CDC42BPA: variants seen among roughly 807,000 people sequenced by gnomAD.
CDC42BPA encodes the protein CDC42 binding protein kinase alpha, also known as serine/threonine-protein kinase MRCK alpha.
In CDC42BPA, 80 loss-of-function variants were observed where a neutral mutation model predicts 223.5. That is an observed-to-expected ratio of 0.36 (90% CI 0.30 to 0.43). The LOEUF (loss-of-function observed/expected upper bound fraction) is 0.43. CDC42BPA is among the 20% of genes least tolerant of loss of function. The pLI is 1.00. For missense variants in CDC42BPA, 1,743 were observed against 2,099.9 expected (o/e 0.83, Z 3.32); for synonymous variants, 694 against 718.6 (o/e 0.97, Z 0.55).
intron 2 of CDC42BPA, among the ~76,000 whole-genome samples, chr1:227,230,820 C>CTTTTTTTTTTTTTTTTT (rs1198828997): frequency 7.6e-5 from 7 of 91,600 alleles, no homozygotes; most frequent in Admixed American, 1.3e-4. Flanking sequence ...TTCTTTCTTT[C>CTTTTTTTTTTTTTTTTT]TTTTTTTTTT....
chr1:227,214,502 G>A (rs1674491420), intron 2 of CDC42BPA, among the ~76,000 whole-genome samples: 2 of 152,140 alleles, frequency 1.3e-5, no homozygotes, highest in South Asian at 2.1e-4. Context: ...AACTTGAAAC[G>A]TTGTTTCACT....
chr1:227,275,749 C>T (rs1295690893), intron 1 of CDC42BPA, among the ~76,000 whole-genome samples: 4 of 152,206 alleles, frequency 2.6e-5, no homozygotes, highest in South Asian at 2.1e-4. Flanking sequence ...ATTGCAGGCA[C>T]GCGCCGCCAC....
At chr1:226,997,446 T>C (rs1294364942) in intron 35 of CDC42BPA, among the ~76,000 whole-genome samples, 1 of 152,190 alleles carries the variant, frequency 6.6e-6, no homozygotes, top group Non-Finnish European at 1.5e-5. Flanking sequence ...TGTCTCTATC[T>C]CCTTCAGTTC....
intron 21 of CDC42BPA, 149 bp from the exon 22 acceptor site, chr1:227,052,134 T>C: frequency 2.5e-6 from 1 of 393,822 alleles, no homozygotes; most frequent in South Asian, 2.0e-5. Flanking sequence ...ACGTTAGGGA[T>C]ACATCATTAT....
In CDC42BPA at chr1:227,129,702, C is replaced by CATATATATATATATATAT. The variant is rs1196658904; in HGVS notation, c.1391-472_1391-471insATATATATATATATATAT. Among the ~76,000 whole-genome samples, 35 of 70,940 alleles carry CATATATATATATATATAT rather than the reference C, an allele frequency of 4.9e-4. 2 individuals are homozygous for CATATATATATATATATAT. The highest frequency in any genetic ancestry group is 8.6e-3 in the Middle Eastern group (1 of 116). The allele number at this position is 70,940 out of a possible 152,430, so 46.5% of individuals were successfully genotyped here. A position where few individuals can be genotyped will look rare whatever the true frequency, so the allele number is the denominator to read the frequency against. On this transcript the variant is annotated intron_variant, in intron 10 of 36. Coordinates refer to ENST00000366766, the MANE Select transcript of CDC42BPA (RefSeq NM_001394014.1). ...AAAAAAAAAAAAAAAAAATCCACTG[C>CATATATATATATATATAT]ATATATATATATACAAAAGAATCCA...
chr1:227,261,124 C>CTTTCTTTTTTTTTTTTTTTTTTTTTTT (rs386417862), intron 1 of CDC42BPA, among the ~76,000 whole-genome samples: 1 of 121,002 alleles, frequency 8.3e-6, no homozygotes, highest in Non-Finnish European at 1.7e-5. Context: ...TTGAGTTTTT[C>CTTTCTTTTTTTTTTTTTTTTTTTTTTT]TTTTTTTTTG....
intron 5 of CDC42BPA, among the ~76,000 whole-genome samples, chr1:227,178,946 T>C (rs2150014932): frequency 6.6e-6 from 1 of 152,322 alleles, no homozygotes. Context: ...TGGTTCTTTC[T>C]CAAAACTCTG....
At chr1:227,163,201 C>G (rs2149833889) in intron 5 of CDC42BPA, among the ~76,000 whole-genome samples, 1 of 152,010 alleles carries the variant, frequency 6.6e-6, no homozygotes, top group South Asian at 2.1e-4. Context: ...TGTTTCCAAA[C>G]ATATATATGT....
At chr1:227,061,927 A>G (rs1676001625) in intron 21 of CDC42BPA, among the ~76,000 whole-genome samples, 2 of 152,152 alleles carry the variant, frequency 1.3e-5, no homozygotes. Context: ...CCTGACGCAT[A>G]TATTAAATAT....
intron 21 of CDC42BPA, among the ~76,000 whole-genome samples, chr1:227,053,852 T>A (rs1674021130): frequency 6.6e-6 from 1 of 152,186 alleles, no homozygotes; most frequent in African/African-American, 2.4e-5. Flanking sequence ...AATATGACTC[T>A]GAGTTGGGAA....
intron 2 of CDC42BPA, among the ~76,000 whole-genome samples, chr1:227,245,674 C>A (rs1010801350): frequency 2.0e-5 from 3 of 152,140 alleles, no homozygotes; most frequent in African/African-American, 7.2e-5. Flanking sequence ...CCATTCCAGG[C>A]CCTAGCTCCC....
At chr1:227,019,387 A>C (rs911555098) in intron 32 of CDC42BPA, among the ~76,000 whole-genome samples, 2 of 152,024 alleles carry the variant, frequency 1.3e-5, no homozygotes, top group African/African-American at 4.8e-5. Flanking sequence ...TCCTTCACTG[A>C]TTTCTGGAAC....
At chr1:226,996,631 C>G (rs936826498) in intron 35 of CDC42BPA, among the ~76,000 whole-genome samples, 1 of 152,144 alleles carries the variant, frequency 6.6e-6, no homozygotes, top group African/African-American at 2.4e-5. Flanking sequence ...TTTTGAGATA[C>G]GTTCCATCAA....
At chr1:227,033,885 C>T (rs1228565229) in intron 26 of CDC42BPA, among the ~76,000 whole-genome samples, 1 of 152,212 alleles carries the variant, frequency 6.6e-6, no homozygotes, top group Non-Finnish European at 1.5e-5. Context: ...ACAGGCTTGA[C>T]ACCTTAGTCC....
chr1:227,261,080 G>A (rs1473389487), intron 1 of CDC42BPA, among the ~76,000 whole-genome samples: 2 of 145,740 alleles, frequency 1.4e-5, no homozygotes, highest in Admixed American at 6.8e-5. Context: ...TTAAGCACCA[G>A]TATCTTTCAT....
rs561270900 is a variant in CDC42BPA at position 227,022,433 on chromosome 1, C to CA, written c.4615+829dup. 3.6e-3 allele frequency among the ~76,000 whole-genome samples: 515 copies of CA among 141,936 alleles called. 6 individuals are homozygous for CA. Among genetic ancestry groups the CA allele is most frequent in the Non-Finnish European group, 5.1e-3 (331 of 64,840 alleles). 93.1% of individuals were successfully genotyped at this position (141,936 alleles called of 152,430 possible). The stretch of plus-strand genomic sequence containing the variant: ...GGGCAACAGAGTGAGACTCCCGTCT[C>CA]AAAAAAAAAAAATTATTTAAAATAC... On this transcript the variant is annotated intron_variant, in intron 32 of 36. Coordinates refer to ENST00000366766, the MANE Select transcript of CDC42BPA (RefSeq NM_001394014.1).
rs141909185 is a variant in CDC42BPA, at chr1:227,279,581, T to G, written c.179-25426A>C. Among the ~76,000 whole-genome samples the G allele has an allele frequency of 7.1e-4, 108 of 152,272 alleles. 1 individual carries two copies. The East Asian group carries it at 0.019, about 27-fold the overall frequency. On this transcript the variant is annotated intron_variant, in intron 1 of 36. Coordinates refer to ENST00000366766, the MANE Select transcript of CDC42BPA (RefSeq NM_001394014.1). ...TTATATTATAAATTAAGTGGTTTAA[T>G]TCTTTGTAATTCCAAAAGATATATT...
At chr1:227,196,700 T>C (rs1241040731) in intron 4 of CDC42BPA, among the ~76,000 whole-genome samples, 2 of 152,196 alleles carry the variant, frequency 1.3e-5, no homozygotes, top group African/African-American at 4.8e-5. Flanking sequence ...ACAAATTGGA[T>C]TCCTATAAAG....
chr1:227,135,515 C>T (rs1003013736), intron 10 of CDC42BPA, among the ~76,000 whole-genome samples: 6 of 152,142 alleles, frequency 3.9e-5, no homozygotes, highest in African/African-American at 1.4e-4. Context: ...ATCCAGCTCC[C>T]GATTCTGGGC....
Sources: allele counts gnomAD v4.1 joint callset (sites outside exome capture counted in the v4.1 genomes callset), GRCh38; gene constraint gnomAD v4.1.1; transcripts MANE v1.5; gene names NCBI Gene and HGNC (gene_info 2026-07-23, HGNC 2026-07-21).